SEPSECS: variants seen among roughly 807,000 people sequenced by gnomAD.
The protein encoded by SEPSECS is O-phosphoseryl-tRNA(Sec) selenium transferase.
SEPSECS carries 42 observed loss-of-function variants against 52.1 expected under a neutral mutation model. That is an observed-to-expected ratio of 0.81 (90% CI 0.63 to 1.04). The LOEUF (loss-of-function observed/expected upper bound fraction) is 1.04. Ranked by LOEUF, SEPSECS falls within the 50% of genes least tolerant of loss-of-function variation. SEPSECS has a pLI of 0.00. For synonymous variants in SEPSECS, 216 were observed against 211.4 expected, an observed-to-expected ratio of 1.02 and a Z score of -0.19; for missense variants, 590 against 610.6, an observed-to-expected ratio of 0.97 and a Z score of 0.36.
At chr4:25,127,674 A>G (rs1424665954) in intron 8 of SEPSECS, among the ~76,000 whole-genome samples, 1 of 152,180 alleles carries the variant, frequency 6.6e-6, no homozygotes, top group African/African-American at 2.4e-5. Flanking sequence ...TTCCCTGGAC[A>G]CAGCAATAGA....
chr4:25,146,494 G>A (rs1250634639), intron 6 of SEPSECS, among the ~76,000 whole-genome samples: 3 of 152,044 alleles, frequency 2.0e-5, no homozygotes, highest in Admixed American at 6.6e-5. Flanking sequence ...TGGAAAACAT[G>A]CGAAGTAGCA....
At position 25,123,959 on chromosome 4, in the gene SEPSECS, A is replaced by G. The variant is rs769895939; in HGVS notation, c.1478T>C (p.Leu493Pro). The G allele has an allele frequency of 1.9e-6, 3 of 1,613,652 alleles. No homozygotes were observed. Among genetic ancestry groups the G allele is most frequent in the Non-Finnish European group, 2.5e-6 (3 of 1,179,606 alleles). ...TGAAGAAGCATCCTGGTATGTGTCA[A>G]GAAGTACATTATCTAGTTTTAAAGC... ...EMALKLDNVL[L>P]DTYQDASS Residue 493 changes from leucine to proline, a missense_variant, in exon 11 of 11, where the codon CTT becomes CCT. By Grantham distance (98) the Leu-to-Pro change is moderately conservative (BLOSUM62 -3). Transcript: ENST00000382103.
At position 25,122,912 on chromosome 4, in the gene SEPSECS, CA is replaced by C. The variant is rs2109475676; in HGVS notation, c.*1018del. On this transcript the variant is annotated 3_prime_UTR_variant, in exon 11 of 11. Coordinates refer to ENST00000382103, the MANE Select transcript of SEPSECS (RefSeq NM_016955.4). ...TTCATCTTCCTGGCAAAAATATGTTCAAAAATACCCATGTTAGCTAATTTTG... is the reference window on the plus strand; with the variant it reads ...TTCATCTTCCTGGCAAAAATATGTTCAAAATACCCATGTTAGCTAATTTTG... 1 of 152,184 alleles carries C rather than the reference CA, an allele frequency of 6.6e-6. No individual in the cohort carries two copies. Among genetic ancestry groups the C allele is most frequent in the African/African-American group, 2.4e-5 (1 of 41,546 alleles). The allele number at this position is 152,184 out of a possible 1,614,324, so 9.4% of individuals were successfully genotyped here.
Position 25,127,386 on chromosome 4 carries a change from C to T in SEPSECS, c.1027-29G>A. On this transcript the variant is annotated intron_variant, in intron 8 of 10. Transcript: ENST00000382103. ...CAACAACAAAATGTCACATTTAAAA[C>T]AAATCAAATATCTACTGCCAGATTT... 4 of 1,497,026 alleles carry T rather than the reference C, an allele frequency of 2.7e-6. No homozygotes were observed. In the South Asian group the frequency reaches 4.5e-5, roughly 17 times the overall value. 92.7% of individuals were successfully genotyped at this position (1,497,026 alleles called of 1,614,324 possible). A position where few individuals can be genotyped will look rare whatever the true frequency, so the allele number is the denominator to read the frequency against.
intron 5 of SEPSECS, among the ~76,000 whole-genome samples, chr4:25,152,726 G>A (rs892696496): frequency 6.6e-6 from 1 of 151,858 alleles, no homozygotes; most frequent in African/African-American, 2.4e-5. Flanking sequence ...GCAAAGTAAG[G>A]TAATAAATTT....
In SEPSECS at chr4:25,127,297, GTCTT is replaced by G; in HGVS notation, c.1083_1086del (p.Glu361AspfsTer12). The G allele has an allele frequency of 6.2e-7, 1 of 1,613,012 alleles. No homozygotes were observed. Among genetic ancestry groups the G allele is most frequent in the Non-Finnish European group, 8.5e-7 (1 of 1,179,298 alleles). On this transcript the variant is annotated frameshift_variant, in exon 9 of 11. Transcript: ENST00000382103. LOFTEE classifies it high-confidence loss of function. ...ATGGGATTGTGAGGTGTATGCAACAGTCTTTCATTGTAGGCTTCTGACAACTTCT... is the reference window on the plus strand; with the variant it reads ...ATGGGATTGTGAGGTGTATGCAACAGTCATTGTAGGCTTCTGACAACTTCT...
At chr4:25,154,694 T>C (rs1023053380) in intron 5 of SEPSECS, among the ~76,000 whole-genome samples, 27 of 152,014 alleles carry the variant, frequency 1.8e-4, no homozygotes, top group Non-Finnish European at 3.5e-4. Flanking sequence ...TTCTATTAAA[T>C]AATAAGAAAA....
At chr4:25,158,271 G>A (rs80276421) in intron 2 of SEPSECS, among the ~76,000 whole-genome samples, 3 of 152,200 alleles carry the variant, frequency 2.0e-5, no homozygotes, top group South Asian at 2.1e-4. Flanking sequence ...CAAATTCTAC[G>A]ATGCCCAGGA....
intron 6 of SEPSECS, 41 bp from the exon 7 acceptor site, chr4:25,145,174 C>A: frequency 1.9e-6 from 3 of 1,604,688 alleles, no homozygotes; most frequent in Non-Finnish European, 2.6e-6. Context: ...GCTAGGAAAA[C>A]AGACAACTGC....
rs1232023905 is a variant in SEPSECS, at chr4:25,151,950, ACT to A, written c.804+8_804+9del. On this transcript the variant is annotated splice_region_variant and intron_variant, in intron 6 of 10. Coordinates refer to ENST00000382103, the MANE Select transcript of SEPSECS (RefSeq NM_016955.4). ...TTCCTTGACATACATATCATTTTAA[ACT>A]CTCTTACCTGCTGAATGAGATGCAT... 2.1e-6 allele frequency: 3 copies of A among 1,410,096 alleles called. No homozygotes were observed. The highest frequency in any genetic ancestry group is 2.3e-5 in the East Asian group (1 of 43,744). The allele number at this position is 1,410,096 out of a possible 1,614,324, so 87.3% of individuals were successfully genotyped here. A position where few individuals can be genotyped will look rare whatever the true frequency, so the allele number is the denominator to read the frequency against.
At chr4:25,142,795 A>G (rs757302835) in intron 8 of SEPSECS, among the ~76,000 whole-genome samples, 27 of 152,230 alleles carry the variant, frequency 1.8e-4, no homozygotes, top group Non-Finnish European at 3.8e-4. Flanking sequence ...TATGCCTTAT[A>G]CTGGATTACT....
chr4:25,137,093 C>A (rs749555226), intron 8 of SEPSECS, among the ~76,000 whole-genome samples: 1 of 151,932 alleles, frequency 6.6e-6, no homozygotes, highest in Admixed American at 6.6e-5. Flanking sequence ...TAAATGTAAA[C>A]CCCCAAATTA....
chr4:25,149,774 G>A (rs1200931460), intron 6 of SEPSECS, among the ~76,000 whole-genome samples: 1 of 152,144 alleles, frequency 6.6e-6, no homozygotes, highest in Non-Finnish European at 1.5e-5. Flanking sequence ...GATTTCCAGT[G>A]TAGAAAATTG....
chr4:25,124,347 C>T lies in SEPSECS; in HGVS notation c.1212-122G>A, dbSNP rs2109479861. The T allele has an allele frequency of 6.0e-6, 5 of 831,468 alleles. No homozygotes were observed. In the South Asian group the frequency reaches 6.2e-5, roughly 10 times the overall value. 51.5% of individuals were successfully genotyped at this position (831,468 alleles called of 1,614,324 possible). A position where few individuals can be genotyped will look rare whatever the true frequency, so the allele number is the denominator to read the frequency against. On this transcript the variant is annotated intron_variant, in intron 10 of 10. Coordinates refer to ENST00000382103, the MANE Select transcript of SEPSECS (RefSeq NM_016955.4). ...CTTATTACGAAGTTTAAAACAGCCA[C>T]AAATCATGGCCTACAAAAATAGACT...
Position 25,155,372 on chromosome 4 carries a change from T to C in SEPSECS, c.548-221A>G, listed in dbSNP as rs1712560444. 5 of 583,874 alleles carry C rather than the reference T, an allele frequency of 8.6e-6. No homozygotes were observed. In the South Asian group the frequency reaches 1.0e-4, roughly 12 times the overall value. The allele number at this position is 583,874 out of a possible 1,614,324, so 36.2% of individuals were successfully genotyped here. A position where few individuals can be genotyped will look rare whatever the true frequency, so the allele number is the denominator to read the frequency against. ...ACACAATTTTAGGACCATAAGTCTA[T>C]TTAACACTTGGATATGACAAGAATG... On this transcript the variant is annotated intron_variant, in intron 4 of 10. Coordinates refer to ENST00000382103, the MANE Select transcript of SEPSECS (RefSeq NM_016955.4).
At chr4:25,124,288 A>T in intron 10 of SEPSECS, 63 bp from the exon 11 acceptor site, 1 of 1,478,830 alleles carries the variant, frequency 6.8e-7, no homozygotes, top group South Asian at 1.2e-5. Context: ...GTCACCCATA[A>T]ACAAAAGATA....
intron 8 of SEPSECS, among the ~76,000 whole-genome samples, chr4:25,137,246 A>T (rs1414009524): frequency 1.3e-5 from 2 of 152,370 alleles, no homozygotes; most frequent in Non-Finnish European, 1.5e-5. Flanking sequence ...GCTCCTGCAC[A>T]GCAAAAGAAA....
chr4:25,151,759 C>G lies in SEPSECS; in HGVS notation c.804+201G>C, dbSNP rs187588019. ...CTATGTTGATTCTAGCCTACCAAAG[C>G]TATCAGTCCAATTATCACCACAGTA... On this transcript the variant is annotated intron_variant, in intron 6 of 10. Coordinates refer to ENST00000382103, the MANE Select transcript of SEPSECS (RefSeq NM_016955.4). 1.2e-3 allele frequency among the ~76,000 whole-genome samples: 186 copies of G among 152,264 alleles called. No homozygotes were observed. In the Middle Eastern group the frequency reaches 0.024, roughly 19 times the overall value.
rs11727961 is a variant in SEPSECS, at chr4:25,149,144, G to A, written c.804+2816C>T. Among the ~76,000 whole-genome samples, 1,729 of 152,004 alleles carry A rather than the reference G, an allele frequency of 0.011. 73 individuals carry two copies. In the East Asian group the frequency reaches 0.12, roughly 10 times the overall value. On this transcript the variant is annotated intron_variant, in intron 6 of 10. Transcript: ENST00000382103. ...GCTATCTTGGCTCACTGCAAGCTCC[G>A]CCTCCTGGGTTCATGCCATTCTCCT... is the stretch of plus-strand genomic sequence containing the variant.
Sources: allele counts gnomAD v4.1 joint callset (sites outside exome capture counted in the v4.1 genomes callset), GRCh38; gene constraint gnomAD v4.1.1; transcripts MANE v1.5; gene names NCBI Gene and HGNC (gene_info 2026-07-23, HGNC 2026-07-21).